Variants in NEK11 observed in about 807,000 individuals in gnomAD.
NEK11 encodes serine/threonine-protein kinase Nek11.
A neutral mutation model predicts 80.7 loss-of-function variants in NEK11; 72 were observed. The observed-to-expected ratio is 0.89, with a 90% CI of 0.74 to 1.08. The LOEUF is 1.08. Ranked by LOEUF, NEK11 falls within the 50% of genes least tolerant of loss-of-function variation. The pLI is 0.00. For missense variants in NEK11, 764 were observed against 763.6 expected, an observed-to-expected ratio of 1.00 and a Z score of -0.01; for synonymous variants, 251 against 260.7, an observed-to-expected ratio of 0.96 and a Z score of 0.36.
intron 16 of NEK11, among the ~76,000 whole-genome samples, chr3:131,271,840 C>G (rs1046906859): frequency 6.6e-6 from 1 of 150,854 alleles, no homozygotes; most frequent in Admixed American, 6.6e-5. Flanking sequence ...CCTGTAATTC[C>G]AGCAGTTTGG....
At chr3:131,067,371 T>C (rs144072295) in intron 3 of NEK11, among the ~76,000 whole-genome samples, 29 of 152,316 alleles carry the variant, frequency 1.9e-4, no homozygotes, top group African/African-American at 6.7e-4. Flanking sequence ...CATATGTAAG[T>C]TGGAATTCTG....
At chr3:131,255,116 GAA>G (rs2095791432) in intron 16 of NEK11, among the ~76,000 whole-genome samples, 2 of 150,882 alleles carry the variant, frequency 1.3e-5, no homozygotes, top group African/African-American at 2.5e-5. Flanking sequence ...AAGAAAGAAA[GAA>G]AGAAAGAAAG....
chr3:131,033,936 A>G (rs1490369445), intron 3 of NEK11, among the ~76,000 whole-genome samples: 2 of 152,200 alleles, frequency 1.3e-5, no homozygotes, highest in Admixed American at 6.5e-5. Flanking sequence ...TTCCTTTATT[A>G]TGCATCATGA....
intron 14 of NEK11, among the ~76,000 whole-genome samples, chr3:131,182,069 TGTAA>T (rs1005608634): frequency 2.6e-5 from 4 of 151,332 alleles, no homozygotes; most frequent in African/African-American, 9.7e-5. Context: ...TACTAATTGT[TGTAA>T]GTGAGAGATC....
At chr3:131,337,165 C>T (rs1441442586) in intron 17 of NEK11, among the ~76,000 whole-genome samples, 3 of 152,124 alleles carry the variant, frequency 2.0e-5, no homozygotes, top group Non-Finnish European at 2.9e-5. Flanking sequence ...CACATGCACA[C>T]GTATGTTTAT....
At chr3:131,149,543 A>T (rs1013071158) in intron 7 of NEK11, among the ~76,000 whole-genome samples, 2 of 152,156 alleles carry the variant, frequency 1.3e-5, no homozygotes, top group African/African-American at 4.8e-5. Flanking sequence ...ATTATCTTAA[A>T]TAAGAAATTA....
intron 16 of NEK11, among the ~76,000 whole-genome samples, chr3:131,244,423 A>G (rs536050222): frequency 1.7e-4 from 26 of 152,220 alleles, no homozygotes; most frequent in African/African-American, 5.8e-4. Flanking sequence ...ACATCGAAGC[A>G]TGACTTAAGA....
chr3:131,162,289 G>C, intron 10 of NEK11, 119 bp from the exon 11 acceptor site: 3 of 1,265,202 alleles, frequency 2.4e-6, no homozygotes, highest in Non-Finnish European at 3.3e-6. Context: ...GTTTTTGCCT[G>C]GCCTGTCTCA....
intron 3 of NEK11, among the ~76,000 whole-genome samples, chr3:131,071,772 C>T (rs896879008): frequency 4.6e-5 from 7 of 151,874 alleles, no homozygotes; most frequent in Non-Finnish European, 8.8e-5. Flanking sequence ...TTCATTTTGT[C>T]ATGATTTTTA....
intron 3 of NEK11, among the ~76,000 whole-genome samples, chr3:131,043,165 C>T (rs542055520): frequency 1.2e-3 from 181 of 152,250 alleles, no homozygotes; most frequent in Non-Finnish European, 2.5e-3. Flanking sequence ...GAAAAACCAG[C>T]GCAAAAAGGC....
At chr3:131,136,385 A>G (rs1217231809) in intron 7 of NEK11, among the ~76,000 whole-genome samples, 1 of 152,174 alleles carries the variant, frequency 6.6e-6, no homozygotes, top group East Asian at 1.9e-4. Context: ...GAAAAATTAG[A>G]TTGAATGAGG....
intron 3 of NEK11, among the ~76,000 whole-genome samples, chr3:131,063,015 TA>T (rs879882053): frequency 1.3e-5 from 2 of 152,196 alleles, no homozygotes. Context: ...AATGAAGTTT[TA>T]AAAAATTATT....
intron 3 of NEK11, among the ~76,000 whole-genome samples, chr3:131,063,763 A>C (rs1283209678): frequency 6.6e-6 from 1 of 152,222 alleles, no homozygotes; most frequent in Non-Finnish European, 1.5e-5. Context: ...AGAGTAACTC[A>C]CCAGCCAGGA....
chr3:131,169,022 G>T, intron 13 of NEK11, 85 bp downstream of exon 13: 1 of 1,014,542 alleles, frequency 9.9e-7, no homozygotes, highest in Admixed American at 2.2e-5. Context: ...ATGGGAAGCC[G>T]AACACTTTGC....
At chr3:131,152,781 T>C (rs946158438) in intron 9 of NEK11, 72 bp downstream of exon 9, 2 of 1,050,282 alleles carry the variant, frequency 1.9e-6, no homozygotes, top group South Asian at 1.4e-5. Context: ...CTTGAAGATA[T>C]GCAGTGGGGA....
Position 131,156,405 on chromosome 3 carries a change from C to T in NEK11, c.962+1284C>T, listed in dbSNP as rs1196377080. Among the ~76,000 whole-genome samples the T allele has an allele frequency of 8.5e-5, 13 of 152,284 alleles. No individual in the cohort carries two copies. The South Asian group carries it at 2.7e-3, about 32-fold the overall frequency. ...GGTCTTCTATAGTATTGGGTCCTAACCAAGTCAGGAAGAGAAGCAAATGCC... is the reference window on the plus strand; with the variant it reads ...GGTCTTCTATAGTATTGGGTCCTAATCAAGTCAGGAAGAGAAGCAAATGCC... On this transcript the variant is annotated intron_variant, in intron 10 of 17. Coordinates refer to ENST00000383366, the MANE Select transcript of NEK11 (RefSeq NM_024800.5).
At chr3:131,255,079 G>GGAAGGAA (rs754645626) in intron 16 of NEK11, among the ~76,000 whole-genome samples, 2 of 119,186 alleles carry the variant, frequency 1.7e-5, no homozygotes, top group African/African-American at 6.5e-5. Flanking sequence ...ACAGAAAGAA[G>GGAAGGAA]GAAAGAAAGA....
At chr3:131,152,786 T>C in intron 9 of NEK11, 77 bp downstream of exon 9, 1 of 1,020,784 alleles carries the variant, frequency 9.8e-7, no homozygotes, top group Non-Finnish European at 1.5e-6. Context: ...AGATATGCAG[T>C]GGGGATATGA....
rs1168245213 is a variant in NEK11 at position 131,184,397 on chromosome 3, G to C, written c.1399+13510G>C. On this transcript the variant is annotated intron_variant, in intron 14 of 17. Transcript: ENST00000383366. The stretch of plus-strand genomic sequence containing the variant: ...GTGATTCGTAGGCACATTAAAGTTT[G>C]AAAAGGACTGAGCTAGACTCTAAAC... Among the ~76,000 whole-genome samples, 3 of 152,128 alleles carry C rather than the reference G, an allele frequency of 2.0e-5. No homozygotes were observed. The East Asian group carries it at 5.8e-4, about 29-fold the overall frequency.
Sources: allele counts gnomAD v4.1 joint callset (sites outside exome capture counted in the v4.1 genomes callset), GRCh38; gene constraint gnomAD v4.1.1; transcripts MANE v1.5; gene names NCBI Gene and HGNC (gene_info 2026-07-23, HGNC 2026-07-21).